Variants in OR10J1 observed in about 807,000 individuals in gnomAD.
OR10J1 encodes the protein olfactory receptor family 10 subfamily J member 1.
For synonymous variants in OR10J1, 202 were observed against 143.8 expected (o/e 1.40, Z -2.89); for missense variants, 474 against 376.6 (o/e 1.26, Z -2.14).
the OR10J1 span, among the ~76,000 whole-genome samples, chr1:159,417,285 C>T: frequency 6.6e-6 from 1 of 152,092 alleles, no homozygotes; most frequent in African/African-American, 2.4e-5. Flanking sequence ...TTCAATAAAT[C>T]TTATTTCCTC....
the OR10J1 span, among the ~76,000 whole-genome samples, chr1:159,414,642 T>C: frequency 6.6e-6 from 1 of 152,146 alleles, no homozygotes; most frequent in Admixed American, 6.6e-5. Flanking sequence ...GTAGTTCTAT[T>C]TTTAGCTTTT....
chr1:159,440,012 C>T lies in OR10J1; in HGVS notation c.221C>T (p.Thr74Ile). Reference sequence around the variant, plus strand: ...CTGTCCACTTCAGAGACTGTATATACATTGGTCATTCTCCCAAGAATGCTC... The same window carrying T: ...CTGTCCACTTCAGAGACTGTATATATATTGGTCATTCTCCCAAGAATGCTC... ...SMLSTSETVY[T>I]LVILPRMLSS... The change falls in exon 1 of 1, where the codon ACA (threonine) becomes ATA (isoleucine). Residue 74 changes from threonine (T) to isoleucine (I), a missense_variant. Physicochemically the swap from Thr to Ile is moderately conservative, Grantham distance 89. Coordinates refer to ENST00000423932, the MANE Select transcript of OR10J1 (RefSeq NM_012351.3). 1 of 1,614,156 alleles carries T rather than the reference C, an allele frequency of 6.2e-7. No homozygotes were observed. The highest frequency in any genetic ancestry group is 8.5e-7 in the Non-Finnish European group (1 of 1,180,028).
the OR10J1 span, among the ~76,000 whole-genome samples, chr1:159,426,030 A>G: frequency 6.6e-6 from 1 of 152,012 alleles, no homozygotes; most frequent in Non-Finnish European, 1.5e-5. Flanking sequence ...GTAAAAATTA[A>G]GGATGAATGC....
At chr1:159,430,212 C>T in the OR10J1 span, among the ~76,000 whole-genome samples, 1 of 151,632 alleles carries the variant, frequency 6.6e-6, no homozygotes, top group Non-Finnish European at 1.5e-5. Flanking sequence ...ATCTGGGTAC[C>T]AGCCTTAAGG....
At chr1:159,434,608 T>C (rs144258541), upstream of OR10J1, among the ~76,000 whole-genome samples, 59 of 152,242 alleles carry the variant, frequency 3.9e-4, 1 homozygote, top group Middle Eastern at 6.8e-3. Flanking sequence ...AGTATGATAT[T>C]GTAGATAGAG....
At chr1:159,411,054 G>A in the OR10J1 span, among the ~76,000 whole-genome samples, 1 of 152,268 alleles carries the variant, frequency 6.6e-6, no homozygotes, top group Admixed American at 6.5e-5. Context: ...TTGCACTGTG[G>A]TCTGAGAGAC....
chr1:159,411,677 T>C, the OR10J1 span, among the ~76,000 whole-genome samples: 1 of 152,154 alleles, frequency 6.6e-6, no homozygotes, highest in Non-Finnish European at 1.5e-5. Flanking sequence ...GTCTGTTAAT[T>C]GGAGCATTTA....
chr1:159,420,255 C>T, the OR10J1 span, among the ~76,000 whole-genome samples: 2 of 152,056 alleles, frequency 1.3e-5, no homozygotes, highest in South Asian at 2.1e-4. Context: ...ATCATTGGGT[C>T]ATATTGTTTA....
the OR10J1 span, among the ~76,000 whole-genome samples, chr1:159,409,395 T>A: frequency 3.3e-5 from 5 of 152,094 alleles, no homozygotes; most frequent in African/African-American, 1.2e-4. Context: ...GAATAGCCTA[T>A]TGTGGCATCA....
At chr1:159,412,367 C>T in the OR10J1 span, among the ~76,000 whole-genome samples, 1 of 151,438 alleles carries the variant, frequency 6.6e-6, no homozygotes, top group Non-Finnish European at 1.5e-5. Flanking sequence ...CAAAAAGAGC[C>T]CGCATCGCCA....
At chr1:159,399,934 T>C in the OR10J1 span, among the ~76,000 whole-genome samples, 2 of 152,136 alleles carry the variant, frequency 1.3e-5, no homozygotes, top group Non-Finnish European at 2.9e-5. Context: ...TTTATGCAAA[T>C]AGTGTTAAGT....
chr1:159,404,252 G>A, the OR10J1 span, among the ~76,000 whole-genome samples: 2 of 152,106 alleles, frequency 1.3e-5, no homozygotes, highest in Non-Finnish European at 2.9e-5. Context: ...AACTTGAACA[G>A]TCTCTTGAAA....
chr1:159,434,314 G>A (rs1465330926), upstream of OR10J1, among the ~76,000 whole-genome samples: 1 of 152,090 alleles, frequency 6.6e-6, no homozygotes, highest in South Asian at 2.1e-4. Flanking sequence ...CCTAGGAAAA[G>A]GAGAAGGCTC....
At chr1:159,439,444 A>C (rs575746384), upstream of OR10J1, among the ~76,000 whole-genome samples, 1 of 152,138 alleles carries the variant, frequency 6.6e-6, no homozygotes, top group Non-Finnish European at 1.5e-5. Flanking sequence ...GAAAATGTGC[A>C]CTCATCTCTG....
the OR10J1 span, among the ~76,000 whole-genome samples, chr1:159,421,575 A>G: frequency 1.3e-5 from 2 of 152,098 alleles, no homozygotes; most frequent in African/African-American, 4.8e-5. Flanking sequence ...AGATATATCT[A>G]TGGTATTGGT....
chr1:159,432,500 C>T, the OR10J1 span: 17,836 of 435,998 alleles, frequency 0.041, 2,589 homozygotes, highest in African/African-American at 0.32. Context: ...CAGGCTGTGC[C>T]GCTCAGCTCT....
the OR10J1 span, among the ~76,000 whole-genome samples, chr1:159,411,973 A>G: frequency 6.6e-6 from 1 of 152,164 alleles, no homozygotes; most frequent in African/African-American, 2.4e-5. Flanking sequence ...TAAGCTGATA[A>G]GCAACTTCAG....
chr1:159,417,214 C>T, the OR10J1 span, among the ~76,000 whole-genome samples: 1 of 152,106 alleles, frequency 6.6e-6, no homozygotes, highest in African/African-American at 2.4e-5. Context: ...AAAATTCCCT[C>T]TTAGCACTGC....
At chr1:159,434,624 G>C (rs1218708070), upstream of OR10J1, among the ~76,000 whole-genome samples, 1 of 152,116 alleles carries the variant, frequency 6.6e-6, no homozygotes, top group Admixed American at 6.5e-5. Flanking sequence ...TAGAGTACAG[G>C]CTTTGAACAG....
Sources: gnomAD v4.1 joint callset for allele counts (sites outside exome capture counted in the v4.1 genomes callset) on GRCh38, gnomAD v4.1.1 for gene constraint, MANE v1.5 for transcripts, NCBI Gene and HGNC (gene_info 2026-07-23, HGNC 2026-07-21) for gene names.